The following ACADSB variants were observed in gnomAD, a reference collection of about 807,000 sequenced individuals.
ACADSB encodes acyl-CoA dehydrogenase short/branched chain.
ACADSB carries 40 observed loss-of-function variants against 54.1 expected under a neutral mutation model. That is an observed-to-expected ratio of 0.74 (90% CI 0.57 to 0.96). ACADSB has a LOEUF of 0.96. Among genes scored for constraint, ACADSB ranks in the 40% least tolerant of loss-of-function variants. The probability of loss-of-function intolerance (pLI) is 0.00; values close to 1 mark genes in which losing one functional copy is unlikely to be tolerated. For synonymous variants in ACADSB, 182 were observed against 182.8 expected (o/e 1.00, Z 0.03); for missense variants, 530 against 510.4 (o/e 1.04, Z -0.37).
At chr10:123,026,958 A>G (rs1243864097) in intron 1 of ACADSB, among the ~76,000 whole-genome samples, 1 of 152,164 alleles carries the variant, frequency 6.6e-6, no homozygotes, top group Non-Finnish European at 1.5e-5. Flanking sequence ...CCTTGTTTGT[A>G]TGTTACCTAT....
At chr10:123,037,439 T>C (rs926882013) in intron 2 of ACADSB, among the ~76,000 whole-genome samples, 1 of 152,238 alleles carries the variant, frequency 6.6e-6, no homozygotes, top group Non-Finnish European at 1.5e-5. Flanking sequence ...ACATAATAAA[T>C]TTAAAATTAG....
intron 2 of ACADSB, among the ~76,000 whole-genome samples, chr10:123,036,481 G>C (rs545457297): frequency 6.6e-6 from 1 of 152,304 alleles, no homozygotes; most frequent in South Asian, 2.1e-4. Context: ...TGAGTGGTTA[G>C]TTTACATAAA....
chr10:123,032,490 A>G (rs1850339244), intron 1 of ACADSB, among the ~76,000 whole-genome samples: 1 of 151,926 alleles, frequency 6.6e-6, no homozygotes, highest in Non-Finnish European at 1.5e-5. Context: ...ATTCATTCAA[A>G]TATATATCAA....
In ACADSB at chr10:123,048,024, G is replaced by C. The variant is rs150299463; in HGVS notation, c.990+726G>C. 2.6e-4 allele frequency among the ~76,000 whole-genome samples: 39 copies of C among 152,312 alleles called. 2 individuals carry two copies. In the East Asian group the frequency reaches 7.5e-3, roughly 29 times the overall value. ...CCTGCCCTCCTTGAGATCTTGCCAG[G>C]GTGGGGGCAGCCTGGAGTGGCAGCT... On this transcript the variant is annotated intron_variant, in intron 8 of 10. Coordinates refer to ENST00000358776, the MANE Select transcript of ACADSB (RefSeq NM_001609.4).
chr10:123,019,739 G>A (rs1015738172), intron 1 of ACADSB, among the ~76,000 whole-genome samples: 16 of 152,138 alleles, frequency 1.1e-4, no homozygotes, highest in Non-Finnish European at 2.9e-5. Context: ...GTGTGTGTAG[G>A]ACTGTGCAGT....
intron 1 of ACADSB, among the ~76,000 whole-genome samples, chr10:123,029,626 G>A (rs754382011): frequency 2.0e-5 from 3 of 152,140 alleles, no homozygotes; most frequent in Non-Finnish European, 4.4e-5. Context: ...GTTGATCCAC[G>A]TAGCTCCCTA....
rs905769225 is a variant in ACADSB, at chr10:123,048,378, C to T, written c.990+1080C>T. 3.3e-5 allele frequency among the ~76,000 whole-genome samples: 5 copies of T among 152,144 alleles called. 1 individual carries two copies. The highest frequency in any genetic ancestry group is 9.6e-5 in the African/African-American group (4 of 41,494). Reference sequence around the variant, plus strand: ...CTTATGCCTAGGAACCTGAAGCACACGGAGGCTGAGTTCCCAAGGTCATAA... The same window carrying T: ...CTTATGCCTAGGAACCTGAAGCACATGGAGGCTGAGTTCCCAAGGTCATAA... On this transcript the variant is annotated intron_variant, in intron 8 of 10. Coordinates refer to ENST00000358776, the MANE Select transcript of ACADSB (RefSeq NM_001609.4).
At chr10:123,038,521 A>G (rs1850428420) in intron 3 of ACADSB, among the ~76,000 whole-genome samples, 1 of 152,204 alleles carries the variant, frequency 6.6e-6, no homozygotes. Flanking sequence ...AGGGGCTTCT[A>G]GAAGAACATT....
chr10:123,044,781 C>T (rs1208044337), intron 7 of ACADSB, among the ~76,000 whole-genome samples: 1 of 151,876 alleles, frequency 6.6e-6, no homozygotes, highest in African/African-American at 2.4e-5. Flanking sequence ...AAATATGGCA[C>T]TTTAAAAAAA....
At chr10:123,043,257 A>T in intron 6 of ACADSB, 86 bp downstream of exon 6, 1 of 1,541,188 alleles carries the variant, frequency 6.5e-7, no homozygotes, top group African/African-American at 1.4e-5. Flanking sequence ...CAGGTGTCAA[A>T]ATACTAAGTG....
intron 6 of ACADSB, among the ~76,000 whole-genome samples, chr10:123,043,558 G>T (rs1850505546): frequency 6.6e-6 from 1 of 152,214 alleles, no homozygotes; most frequent in Non-Finnish European, 1.5e-5. Flanking sequence ...AGCGGAAACA[G>T]CCAGGCTATT....
chr10:123,035,177 C>T (rs556194386), intron 2 of ACADSB, among the ~76,000 whole-genome samples: 5 of 152,168 alleles, frequency 3.3e-5, no homozygotes, highest in East Asian at 3.9e-4. Context: ...AGGATGGTCT[C>T]GATCTCCTGA....
intron 1 of ACADSB, among the ~76,000 whole-genome samples, chr10:123,033,871 T>G (rs1376876438): frequency 6.6e-6 from 1 of 152,136 alleles, no homozygotes; most frequent in Non-Finnish European, 1.5e-5. Flanking sequence ...CCACGGAAAT[T>G]ACAAAAGCCC....
In ACADSB at chr10:123,034,408, T is replaced by C. The variant is rs751722805; in HGVS notation, c.95T>C (p.Val32Ala). The C allele has an allele frequency of 2.5e-6, 4 of 1,613,772 alleles. No homozygotes were observed. ...TCTTCTTGGAAGATTCCTCCTCATGTCTCAAAATCTTCCCAGTCAGAAGCT... is the reference window on the plus strand; with the variant it reads ...TCTTCTTGGAAGATTCCTCCTCATGCCTCAAAATCTTCCCAGTCAGAAGCT... ...CLSSWKIPPH[V>A]SKSSQSEALL... is the part of the protein sequence containing the mutation. Residue 32 changes from valine (V) to alanine (A), a missense_variant, in exon 2 of 11, where the codon GTC becomes GCC. Val to Ala is a moderately conservative substitution (Grantham distance 64, BLOSUM62 0). Transcript: ENST00000358776.
At chr10:123,038,773 C>CT (rs1850433711) in intron 3 of ACADSB, among the ~76,000 whole-genome samples, 1 of 152,154 alleles carries the variant, frequency 6.6e-6, no homozygotes, top group Admixed American at 6.5e-5. Flanking sequence ...TTCCATCTTT[C>CT]TTTTAGCAGT....
intron 8 of ACADSB, among the ~76,000 whole-genome samples, chr10:123,049,747 C>T (rs962546838): frequency 1.3e-5 from 2 of 152,134 alleles, no homozygotes; most frequent in Admixed American, 1.3e-4. Flanking sequence ...CTACCTCACA[C>T]CATACATACA....
At chr10:123,046,982 C>T (rs893575318) in intron 7 of ACADSB, among the ~76,000 whole-genome samples, 7 of 152,296 alleles carry the variant, frequency 4.6e-5, no homozygotes, top group African/African-American at 1.2e-4. Flanking sequence ...ATTAAATGTG[C>T]TCATATTCAC....
chr10:123,017,636 C>T (rs11248361), intron 1 of ACADSB, among the ~76,000 whole-genome samples: 45,297 of 152,140 alleles, frequency 0.3, 7,995 homozygotes, highest in Non-Finnish European at 0.39. Flanking sequence ...TTCTAATGGC[C>T]GGCATTTGCA....
At chr10:123,044,890 AT>A (rs1404492039) in intron 7 of ACADSB, among the ~76,000 whole-genome samples, 2 of 152,026 alleles carry the variant, frequency 1.3e-5, no homozygotes, top group Non-Finnish European at 2.9e-5. Flanking sequence ...TCTATAGTTA[AT>A]AAAAGATTTG....
Sources: allele counts gnomAD v4.1 joint callset (sites outside exome capture counted in the v4.1 genomes callset), GRCh38; gene constraint gnomAD v4.1.1; transcripts MANE v1.5; gene names NCBI Gene and HGNC (gene_info 2026-07-23, HGNC 2026-07-21).